Variants in MYO16 observed in about 807,000 individuals in gnomAD.
MYO16 encodes the protein myosin XVI, also known as unconventional myosin-XVI.
In MYO16, 94 loss-of-function variants were observed where a neutral mutation model predicts 205.3. The observed-to-expected ratio is 0.46, with a 90% CI of 0.39 to 0.54. MYO16 has a LOEUF of 0.54. MYO16 is among the 20% of genes least tolerant of loss of function. MYO16 has a pLI of 0.00. For missense variants in MYO16, 2,315 were observed against 2,387.5 expected, an observed-to-expected ratio of 0.97 and a Z score of 0.63; for synonymous variants, 988 against 954.0, an observed-to-expected ratio of 1.04 and a Z score of -0.66.
chr13:109,047,003 T>A lies in MYO16; in HGVS notation c.2872+12T>A. The A allele has an allele frequency of 6.3e-7, 1 of 1,579,502 alleles. No homozygotes were observed. The highest frequency in any genetic ancestry group is 8.7e-7 in the Non-Finnish European group (1 of 1,148,950). ...ATTTGTAATGAAAAGTAAGTTGATT[T>A]TTTTTCCTGCCCTACACTGGTTAAA... On this transcript the variant is annotated intron_variant, in intron 24 of 34. Transcript: ENST00000457511.
chr13:109,000,943 T>A (rs975321789), intron 21 of MYO16, among the ~76,000 whole-genome samples: 1 of 152,012 alleles, frequency 6.6e-6, no homozygotes, highest in Non-Finnish European at 1.5e-5. Flanking sequence ...AATATAGTCA[T>A]GAATTAAACC....
At chr13:108,685,683 C>T (rs1008670790) in intron 2 of MYO16, among the ~76,000 whole-genome samples, 2 of 152,274 alleles carry the variant, frequency 1.3e-5, no homozygotes, top group Admixed American at 6.5e-5. Context: ...CACAAAATAC[C>T]ACAGCCTGGG....
rs1323559399 is a variant in MYO16 at position 108,957,814 on chromosome 13, A to C, written c.2037+15A>C. ...TCAGCAGCTTGGTGAGTCATGTCATAAATATTTCACTGAGAAAATCAACCT... is the reference window on the plus strand; with the variant it reads ...TCAGCAGCTTGGTGAGTCATGTCATCAATATTTCACTGAGAAAATCAACCT... On this transcript the variant is annotated intron_variant, in intron 17 of 34. Transcript: ENST00000457511. 1 of 1,570,806 alleles carries C rather than the reference A, an allele frequency of 6.4e-7. No individual in the cohort carries two copies. The highest frequency in any genetic ancestry group is 1.7e-5 in the Admixed American group (1 of 59,718).
intron 2 of MYO16, among the ~76,000 whole-genome samples, chr13:108,691,451 G>A (rs946090186): frequency 9.2e-5 from 14 of 151,806 alleles, no homozygotes; most frequent in Non-Finnish European, 2.1e-4. Context: ...ATATTAAGAG[G>A]AGAAAGAGAG....
At chr13:108,624,784 AGTGTGTGT>A (rs6145237), upstream of MYO16, among the ~76,000 whole-genome samples, 162 of 90,850 alleles carry the variant, frequency 1.8e-3, no homozygotes, top group African/African-American at 4.9e-3. Context: ...ATATAGCCTG[AGTGTGTGT>A]GTGTGTGTGT....
chr13:108,609,482 G>A lies in MYO16; in HGVS notation c.-39+13243G>A, dbSNP rs552233316. Reference sequence around the variant, plus strand: ...CCCAAACAGGTGCTCAATGCTATCAGCCAAGTGAATGAATGAAGGAACAAT... The same window carrying A: ...CCCAAACAGGTGCTCAATGCTATCAACCAAGTGAATGAATGAAGGAACAAT... On this transcript the variant is annotated intron_variant, in intron 1 of 24. Coordinates refer to the MYO16 transcript ENST00000251041. Among the ~76,000 whole-genome samples the A allele has an allele frequency of 2.6e-5, 4 of 152,250 alleles. No individual in the cohort carries two copies. The South Asian group carries it at 8.3e-4, about 32-fold the overall frequency.
At chr13:109,066,078 G>A (rs553547565) in intron 27 of MYO16, among the ~76,000 whole-genome samples, 2 of 152,240 alleles carry the variant, frequency 1.3e-5, no homozygotes, top group Non-Finnish European at 2.9e-5. Context: ...TTGCTGAAAA[G>A]CCTCACTATG....
In MYO16 at chr13:109,019,819, A is replaced by C; in HGVS notation, c.2704A>C (p.Asn902His). 1 of 1,614,128 alleles carries C rather than the reference A, an allele frequency of 6.2e-7. No homozygotes were observed. Among genetic ancestry groups the C allele is most frequent in the Non-Finnish European group, 8.5e-7 (1 of 1,179,998 alleles). ...LQSLLESSNT[N>H]AVYSPMKDGN... ...AAGTCTCCTAGAATCCTCAAACACA[A>C]ATGCGGTGTACTCCCCCATGAAGGA... The change falls in exon 23 of 35, where the codon AAT becomes CAT. Residue 902 changes from asparagine (N) to histidine (H), a missense_variant. By Grantham distance (68) the Asn-to-His change is moderately conservative (BLOSUM62 1). Transcript: ENST00000457511.
At position 108,844,503 on chromosome 13, in the gene MYO16, C is replaced by A. The variant is rs767142479; in HGVS notation, c.1248+10C>A. 1 of 1,597,008 alleles carries A rather than the reference C, an allele frequency of 6.3e-7. No homozygotes were observed. The highest frequency in any genetic ancestry group is 8.6e-7 in the Non-Finnish European group (1 of 1,169,224). On this transcript the variant is annotated intron_variant, in intron 10 of 34. Transcript: ENST00000457511. Reference sequence around the variant, plus strand: ...CACCAAACCCGAGCAGGTAATCATGCTTTCACTGTGTGTCTACCAGTACTT... The same window carrying A: ...CACCAAACCCGAGCAGGTAATCATGATTTCACTGTGTGTCTACCAGTACTT...
chr13:108,594,865 G>A (rs1752731119), upstream of MYO16, among the ~76,000 whole-genome samples: 2 of 152,178 alleles, frequency 1.3e-5, no homozygotes, highest in South Asian at 4.1e-4. Flanking sequence ...GTGTGAACCA[G>A]TCTTCAGCAG....
At chr13:108,499,401 G>A in the MYO16 span, among the ~76,000 whole-genome samples, 2,391 of 152,284 alleles carry the variant, frequency 0.016, 60 homozygotes, top group African/African-American at 0.054. Context: ...TTCCAGGCCT[G>A]CGGAATCAGA....
At chr13:109,188,318 ATGTAATTTTAGAACTTTT>A (rs1879770002) in intron 34 of MYO16, among the ~76,000 whole-genome samples, 1 of 152,110 alleles carries the variant, frequency 6.6e-6, no homozygotes. Flanking sequence ...TATCTCTACA[ATGTAATTTTAGAACTTTT>A]TGCCTCCTCC....
intron 32 of MYO16, among the ~76,000 whole-genome samples, chr13:109,146,502 G>T (rs1441773314): frequency 6.6e-6 from 1 of 152,092 alleles, no homozygotes; most frequent in Non-Finnish European, 1.5e-5. Context: ...TGTCAAATCA[G>T]CCAGGCATGG....
chr13:108,696,946 C>A (rs1329125745), intron 2 of MYO16, among the ~76,000 whole-genome samples: 2 of 147,834 alleles, frequency 1.4e-5, no homozygotes, highest in Admixed American at 1.4e-4. Context: ...ATACTTTGCT[C>A]TATTTTTAAC....
At chr13:108,525,613 C>G in the MYO16 span, among the ~76,000 whole-genome samples, 3 of 152,164 alleles carry the variant, frequency 2.0e-5, no homozygotes, top group South Asian at 6.2e-4. Context: ...AAGTTAAAAA[C>G]CGCTGATCTT....
At chr13:108,810,270 G>C (rs9587693) in intron 7 of MYO16, among the ~76,000 whole-genome samples, 8,189 of 152,202 alleles carry the variant, frequency 0.054, 708 homozygotes, top group African/African-American at 0.18. Context: ...TGTCTCCACT[G>C]GAATGCACGC....
chr13:108,557,287 G>A, the MYO16 span, among the ~76,000 whole-genome samples: 1 of 151,922 alleles, frequency 6.6e-6, no homozygotes, highest in Non-Finnish European at 1.5e-5. Flanking sequence ...ATTTATTTGT[G>A]TCTTTTTCAA....
At chr13:108,861,506 A>G (rs1878449156) in intron 11 of MYO16, among the ~76,000 whole-genome samples, 1 of 152,150 alleles carries the variant, frequency 6.6e-6, no homozygotes, top group African/African-American at 2.4e-5. Flanking sequence ...TTTGGCCCAC[A>G]TAAGTACTTC....
rs118041601 is a variant in MYO16 at position 109,038,788 on chromosome 13, T to G, written c.2797-8128T>G. ...TCAAAATTTTAAAGAATCTTTTTAGTTATATTTATTGAAATTACAGTTTTC... is the reference window on the plus strand; with the variant it reads ...TCAAAATTTTAAAGAATCTTTTTAGGTATATTTATTGAAATTACAGTTTTC... On this transcript the variant is annotated intron_variant, in intron 23 of 34. Transcript: ENST00000457511. Among the ~76,000 whole-genome samples the G allele has an allele frequency of 1.5e-3, 231 of 152,298 alleles. 7 individuals are homozygous for G. In the East Asian group the frequency reaches 0.037, roughly 25 times the overall value.
Sources: allele counts gnomAD v4.1 joint callset (sites outside exome capture counted in the v4.1 genomes callset), GRCh38; gene constraint gnomAD v4.1.1; transcripts MANE v1.5; gene names NCBI Gene and HGNC (gene_info 2026-07-23, HGNC 2026-07-21).